TATDN2: variants seen among roughly 807,000 people sequenced by gnomAD.
TATDN2 encodes 3'-5' RNA nuclease TATDN2.
In TATDN2, 44 loss-of-function variants were observed where a neutral mutation model predicts 60.3. That is an observed-to-expected ratio of 0.73 (90% CI 0.57 to 0.94). The LOEUF (loss-of-function observed/expected upper bound fraction) is 0.94. Among genes scored for constraint, TATDN2 ranks in the 40% least tolerant of loss-of-function variants. The probability of loss-of-function intolerance (pLI) is 0.00; values close to 1 mark genes in which losing one functional copy is unlikely to be tolerated. For synonymous variants in TATDN2, 399 were observed against 355.8 expected, an observed-to-expected ratio of 1.12 and a Z score of -1.37; for missense variants, 997 against 948.0, an observed-to-expected ratio of 1.05 and a Z score of -0.68.
intron 3 of TATDN2, among the ~76,000 whole-genome samples, chr3:10,268,313 A>G (rs1698509152): frequency 6.6e-6 from 1 of 152,238 alleles, no homozygotes; most frequent in Non-Finnish European, 1.5e-5. Flanking sequence ...GGGGTATGAA[A>G]TATTAGTACA....
chr3:10,278,832 T>A lies in TATDN2; in HGVS notation c.2146-53T>A, dbSNP rs916252003. 2 of 1,613,116 alleles carry A rather than the reference T, an allele frequency of 1.2e-6. No homozygotes were observed. Among genetic ancestry groups the A allele is most frequent in the African/African-American group, 1.3e-5 (1 of 74,910 alleles). On this transcript the variant is annotated intron_variant, in intron 6 of 7. Coordinates refer to ENST00000448281, the MANE Select transcript of TATDN2 (RefSeq NM_014760.4). This position sits in a 1 kb window ranked among gnomAD's most constrained non-coding sequence, Gnocchi z 4.7. ...AAGGGACAGGGAGGGAGTTCTAGAT[T>A]ATGACTGTGCACACATGGCACAATG...
chr3:10,266,333 T>C (rs1173954071), intron 3 of TATDN2, among the ~76,000 whole-genome samples: 1 of 152,218 alleles, frequency 6.6e-6, no homozygotes, highest in African/African-American at 2.4e-5. Context: ...TTCCATTGTG[T>C]GGATGAATTT....
intron 7 of TATDN2, 39 bp downstream of exon 7, chr3:10,279,102 A>G: frequency 1.3e-6 from 2 of 1,543,060 alleles, no homozygotes. Context: ...AAAAACCAGG[A>G]CAAGTCTTTT....
chr3:10,269,649 C>T (rs963679249), intron 3 of TATDN2, among the ~76,000 whole-genome samples: 7 of 151,882 alleles, frequency 4.6e-5, no homozygotes, highest in Admixed American at 2.6e-4. Context: ...TTCAGTGAGT[C>T]GAGATCTCAC....
Position 10,270,404 on chromosome 3 carries a change from G to C in TATDN2, c.1222G>C (p.Val408Leu), listed in dbSNP as rs748161096. 4 of 1,614,218 alleles carry C rather than the reference G, an allele frequency of 2.5e-6. No individual in the cohort carries two copies. The highest frequency in any genetic ancestry group is 3.4e-6 in the Non-Finnish European group (4 of 1,180,046). Reference sequence around the variant, plus strand: ...CAGCAGCAGCAACGATGCAGCCCAGGTTGGGAAGAGCAGCCGGAGCCGCAT... The same window carrying C: ...CAGCAGCAGCAACGATGCAGCCCAGCTTGGGAAGAGCAGCCGGAGCCGCAT... ...TGSSSNDAAQ[V>L]GKSSRSRMSD... Residue 408 changes from valine to leucine, a missense_variant, in exon 4 of 8, where the codon GTT becomes CTT. Coordinates refer to ENST00000448281, the MANE Select transcript of TATDN2 (RefSeq NM_014760.4).
chr3:10,259,835 AGTGTAGTCCTT>A (rs1211543615), intron 2 of TATDN2, among the ~76,000 whole-genome samples: 1 of 152,124 alleles, frequency 6.6e-6, no homozygotes, highest in Non-Finnish European at 1.5e-5. Flanking sequence ...TTTTGCCTGA[AGTGTAGTCCTT>A]GCCTTCCAGG....
chr3:10,270,667 C>A lies in TATDN2; in HGVS notation c.1485C>A (p.Phe495Leu). ...TGGAGCCAAGCCTAGAGGAGGGCTT[C>A]ATTGACACTCATTGTCACCTGGACA... The part of the protein sequence containing the change: ...SHLEPSLEEG[F>L]IDTHCHLDML... Residue 495 changes from phenylalanine to leucine, a missense_variant, in exon 4 of 8, where the codon TTC becomes TTA. By Grantham distance (22) the Phe-to-Leu change is conservative. Transcript: ENST00000448281. 1 of 1,614,256 alleles carries A rather than the reference C, an allele frequency of 6.2e-7. No homozygotes were observed. Among genetic ancestry groups the A allele is most frequent in the Non-Finnish European group, 8.5e-7 (1 of 1,180,046 alleles).
chr3:10,266,728 G>T (rs2619505), intron 3 of TATDN2, among the ~76,000 whole-genome samples: 152,305 of 152,324 alleles, frequency 1, 76,143 homozygotes, highest in Middle Eastern at 1. Context: ...CATCAGGCAT[G>T]GTGTTGTTCA....
At chr3:10,253,800 G>A (rs1021681711) in intron 2 of TATDN2, among the ~76,000 whole-genome samples, 3 of 152,224 alleles carry the variant, frequency 2.0e-5, no homozygotes, top group African/African-American at 7.2e-5. Context: ...CACCTACTCT[G>A]TGTAGGCACT....
rs866052857 is a variant in TATDN2 at position 10,249,759 on chromosome 3, A to T, written c.414+145A>T. On this transcript the variant is annotated intron_variant, in intron 2 of 7. Transcript: ENST00000448281. Reference sequence around the variant, plus strand: ...TCTTTCTAGAAGTCCACTCCCCCCAAACTCGAAGACCTAGCAGTCTTCCAG... The same window carrying T: ...TCTTTCTAGAAGTCCACTCCCCCCATACTCGAAGACCTAGCAGTCTTCCAG... 20 of 1,001,262 alleles carry T rather than the reference A, an allele frequency of 2.0e-5. No individual in the cohort carries two copies. The African/African-American group carries it at 2.5e-4, about 13-fold the overall frequency. 62.0% of individuals were successfully genotyped at this position (1,001,262 alleles called of 1,614,324 possible). A position where few individuals can be genotyped will look rare whatever the true frequency, so the allele number is the denominator to read the frequency against.
Position 10,260,272 on chromosome 3 carries a change from A to G in TATDN2, c.550A>G (p.Thr184Ala), listed in dbSNP as rs200708539. Residue 184 changes from threonine to alanine, a missense_variant, in exon 3 of 8, where the codon ACA (threonine) becomes GCA (alanine). Coordinates refer to ENST00000448281, the MANE Select transcript of TATDN2 (RefSeq NM_014760.4). ...KRDRLRDQGS[T>A]MIYLKAIQGI... ...GGATAGACTTCGAGACCAGGGCTCC[A>G]CAATGATCTACCTGAAGGCTATCCA... The G allele has an allele frequency of 1.9e-6, 3 of 1,614,254 alleles. No homozygotes were observed. The highest frequency in any genetic ancestry group is 2.2e-5 in the East Asian group (1 of 44,884).
intron 2 of TATDN2, among the ~76,000 whole-genome samples, chr3:10,250,362 G>C: frequency 6.6e-6 from 1 of 151,930 alleles, no homozygotes; most frequent in Admixed American, 6.6e-5. Context: ...AATGTTCTAG[G>C]TGTTTGGGAT....
intron 3 of TATDN2, among the ~76,000 whole-genome samples, chr3:10,264,616 ATTTTC>A (rs1253018406): frequency 6.7e-6 from 1 of 149,440 alleles, no homozygotes; most frequent in Non-Finnish European, 1.5e-5. Flanking sequence ...GGAAATTCCA[ATTTTC>A]TTTTCTTCCC....
intron 3 of TATDN2, among the ~76,000 whole-genome samples, chr3:10,269,408 G>A (rs1326085858): frequency 1.3e-5 from 2 of 152,190 alleles, no homozygotes; most frequent in African/African-American, 4.8e-5. Context: ...TCGGGGACAC[G>A]TTTAAAAACT....
chr3:10,262,518 T>C (rs543982321), intron 3 of TATDN2, among the ~76,000 whole-genome samples: 7 of 150,930 alleles, frequency 4.6e-5, no homozygotes, highest in African/African-American at 1.7e-4. Flanking sequence ...TTGCTCCTTT[T>C]CTTCTGGGCT....
chr3:10,249,854 C>G (rs940926630), intron 2 of TATDN2, among the ~76,000 whole-genome samples: 7 of 152,184 alleles, frequency 4.6e-5, no homozygotes, highest in Non-Finnish European at 1.0e-4. Context: ...ACTTGGAAAG[C>G]TTTAAAATAC....
Position 10,278,560 on chromosome 3 carries a change from C to A in TATDN2, c.2145+98C>A. The A allele has an allele frequency of 2.0e-6, 3 of 1,498,598 alleles. No homozygotes were observed. The South Asian group carries it at 3.4e-5, about 17-fold the overall frequency. The allele number at this position is 1,498,598 out of a possible 1,614,324, so 92.8% of individuals were successfully genotyped here. A position where few individuals can be genotyped will look rare whatever the true frequency, so the allele number is the denominator to read the frequency against. On this transcript the variant is annotated intron_variant, in intron 6 of 7. Transcript: ENST00000448281. The surrounding 1 kb of genome is among the most constrained non-coding windows in gnomAD (Gnocchi z 4.7). ...GTTGGCAGGGCCAGAGCCCCAGTGA[C>A]TTCCAGGTCCCATCCTGGGCTGTGT...
intron 2 of TATDN2, among the ~76,000 whole-genome samples, chr3:10,252,833 C>T (rs377011677): frequency 2.0e-5 from 3 of 149,574 alleles, no homozygotes; most frequent in Admixed American, 1.3e-4. Context: ...GGAACTCAGG[C>T]GTGTGCCAAC....
intron 3 of TATDN2, among the ~76,000 whole-genome samples, chr3:10,264,608 A>G (rs1204021997): frequency 6.6e-6 from 1 of 151,346 alleles, no homozygotes; most frequent in Non-Finnish European, 1.5e-5. Flanking sequence ...TTTCGGATGG[A>G]AATTCCAATT....
Sources: gnomAD v4.1 joint callset for allele counts (sites outside exome capture counted in the v4.1 genomes callset) on GRCh38, gnomAD v4.1.1 for gene constraint, Gnocchi (gnomAD v3.1) non-coding constraint, MANE v1.5 for transcripts, NCBI Gene and HGNC (gene_info 2026-07-23, HGNC 2026-07-21) for gene names.